The following NIPSNAP1 variants were observed in gnomAD, a reference collection of about 807,000 sequenced individuals.
NIPSNAP1 encodes the protein nipsnap homolog 1.
NIPSNAP1 carries 25 observed loss-of-function variants against 49.2 expected under a neutral mutation model. That is an observed-to-expected ratio of 0.51 (90% CI 0.37 to 0.71). NIPSNAP1 has a LOEUF of 0.71. NIPSNAP1 is among the 30% of genes least tolerant of loss of function. The pLI is 0.00. For synonymous variants in NIPSNAP1, 143 were observed against 140.7 expected, an observed-to-expected ratio of 1.02 and a Z score of -0.12; for missense variants, 294 against 361.0, an observed-to-expected ratio of 0.81 and a Z score of 1.50.
At chr22:29,576,320 G>A (rs695525) in intron 1 of NIPSNAP1, among the ~76,000 whole-genome samples, 32,162 of 150,748 alleles carry the variant, frequency 0.21, 4,262 homozygotes, top group East Asian at 0.59. Flanking sequence ...ATGCCCGGCC[G>A]AACCCAGGAG....
chr22:29,579,435 T>C (rs902379798), intron 1 of NIPSNAP1, among the ~76,000 whole-genome samples: 6 of 151,850 alleles, frequency 4.0e-5, no homozygotes. Flanking sequence ...TAGCTGGGAC[T>C]ACAGGCGCCT....
At chr22:29,560,691 G>T in intron 8 of NIPSNAP1, 43 bp downstream of exon 8, 1 of 1,506,060 alleles carries the variant, frequency 6.6e-7, no homozygotes. Context: ...TGATGACAGA[G>T]AAAGAGAACT....
chr22:29,575,066 A>G lies in NIPSNAP1; in HGVS notation c.99-4534T>C, dbSNP rs566445707. Among the ~76,000 whole-genome samples, 40 of 152,288 alleles carry G rather than the reference A, an allele frequency of 2.6e-4. 1 individual carries two copies. The highest frequency in any genetic ancestry group is 8.3e-4 in the South Asian group (4 of 4,822). ...CCCAGCGCTCTTTCCTTGAAAGCCA[A>G]TCCCCACCTCAGGTTGGGCACTGAG... is the stretch of plus-strand genomic sequence containing the variant. On this transcript the variant is annotated intron_variant, in intron 1 of 9. Coordinates refer to ENST00000216121, the MANE Select transcript of NIPSNAP1 (RefSeq NM_003634.4).
intron 4 of NIPSNAP1, among the ~76,000 whole-genome samples, chr22:29,563,231 A>C (rs2064348589): frequency 6.6e-6 from 1 of 152,046 alleles, no homozygotes; most frequent in Admixed American, 6.6e-5. Context: ...GTGCCAGTGT[A>C]CTCCAGCCTG....
At chr22:29,569,081 A>G in intron 4 of NIPSNAP1, 112 bp downstream of exon 4, 2 of 815,930 alleles carry the variant, frequency 2.5e-6, no homozygotes, top group Admixed American at 2.0e-5. Flanking sequence ...GGTTTTAGTA[A>G]GAGCCCCACC....
rs146079589 is a variant in NIPSNAP1, at chr22:29,575,442, G to A, written c.99-4910C>T. On this transcript the variant is annotated intron_variant, in intron 1 of 9. Transcript: ENST00000216121. Reference sequence around the variant, plus strand: ...GTTTTCTACAGGTAAAATCCAAGAAGGAGCTTGTCAAAGATCTCAGAGGAG... The same window carrying A: ...GTTTTCTACAGGTAAAATCCAAGAAAGAGCTTGTCAAAGATCTCAGAGGAG... Among the ~76,000 whole-genome samples, 49 of 152,228 alleles carry A rather than the reference G, an allele frequency of 3.2e-4. No homozygotes were observed. The East Asian group carries it at 7.3e-3, about 23-fold the overall frequency.
chr22:29,560,944 G>T, intron 7 of NIPSNAP1, 116 bp from the exon 8 acceptor site: 2 of 1,032,166 alleles, frequency 1.9e-6, no homozygotes, highest in Non-Finnish European at 3.0e-6. Flanking sequence ...GGTCCTCCGG[G>T]ATGCTGAGAG....
At chr22:29,574,286 A>AAAAAAAAAAAAAAAAAAAAAAAAAC (rs2064434113) in intron 1 of NIPSNAP1, among the ~76,000 whole-genome samples, 1 of 147,672 alleles carries the variant, frequency 6.8e-6, no homozygotes, top group Non-Finnish European at 1.5e-5. Context: ...AAAAAAAAAA[A>AAAAAAAAAAAAAAAAAAAAAAAAAC]AAAAAAGAAA....
At chr22:29,560,900 C>CCCTCCTGTGAAGTGTGGCCA in intron 7 of NIPSNAP1, 72 bp from the exon 8 acceptor site, 1 of 1,408,080 alleles carries the variant, frequency 7.1e-7, no homozygotes, top group Non-Finnish European at 1.0e-6. Context: ...ATTCCTTGGC[C>CCCTCCTGTGAAGTGTGGCCA]ACACTTCACA....
chr22:29,570,254 A>G (rs1350457264), intron 2 of NIPSNAP1, 47 bp from the exon 3 acceptor site: 9 of 1,609,408 alleles, frequency 5.6e-6, no homozygotes, highest in Non-Finnish European at 7.7e-6. Flanking sequence ...GTGTGTACAC[A>G]GGGAAGAACT....
intron 1 of NIPSNAP1, among the ~76,000 whole-genome samples, chr22:29,578,586 T>C (rs2064473354): frequency 1.3e-5 from 2 of 151,242 alleles, no homozygotes; most frequent in South Asian, 4.1e-4. Context: ...TCTGGAGAGA[T>C]ATGGGGCAGC....
intron 1 of NIPSNAP1, 131 bp from the exon 2 acceptor site, chr22:29,570,663 CAG>C: frequency 1.7e-6 from 2 of 1,198,092 alleles, no homozygotes; most frequent in Non-Finnish European, 1.2e-6. Flanking sequence ...AGTCCTGTGG[CAG>C]CTCCAGACTG....
chr22:29,575,376 T>G (rs142846476), intron 1 of NIPSNAP1, among the ~76,000 whole-genome samples: 2 of 152,258 alleles, frequency 1.3e-5, no homozygotes, highest in East Asian at 3.9e-4. Context: ...AGTTTCCCCA[T>G]CTGTCAAATG....
In NIPSNAP1 at chr22:29,574,710, C is replaced by T. The variant is rs191031513; in HGVS notation, c.99-4178G>A. On this transcript the variant is annotated intron_variant, in intron 1 of 9. Coordinates refer to ENST00000216121, the MANE Select transcript of NIPSNAP1 (RefSeq NM_003634.4). ...AGGAGAATCACTTGAACCCGGGAGGCGGAGGTTGCAGTGAGCTGAGATCGT... is the reference window on the plus strand; with the variant it reads ...AGGAGAATCACTTGAACCCGGGAGGTGGAGGTTGCAGTGAGCTGAGATCGT... Among the ~76,000 whole-genome samples, 1,121 of 143,548 alleles carry T rather than the reference C, an allele frequency of 7.8e-3. 10 individuals carry two copies. Among genetic ancestry groups the T allele is most frequent in the South Asian group, 0.025 (111 of 4,476 alleles). The allele number at this position is 143,548 out of a possible 152,430, so 94.2% of individuals were successfully genotyped here. A position where few individuals can be genotyped will look rare whatever the true frequency, so the allele number is the denominator to read the frequency against.
At chr22:29,568,756 C>T (rs1483701932) in intron 4 of NIPSNAP1, among the ~76,000 whole-genome samples, 1 of 152,102 alleles carries the variant, frequency 6.6e-6, no homozygotes, top group Non-Finnish European at 1.5e-5. Context: ...TGCACTACTG[C>T]ACTCCAGCCT....
chr22:29,561,487 G>T lies in NIPSNAP1; in HGVS notation c.579+19C>A. ...CAGGGAAATTGGGGGGCAGGAGGGG[G>T]TCTGTCGGAGGGAGGCACCTTGAGC... On this transcript the variant is annotated intron_variant, in intron 6 of 9. Transcript: ENST00000216121. 6.2e-7 allele frequency: 1 copy of T among 1,613,760 alleles called. No individual in the cohort carries two copies. The highest frequency in any genetic ancestry group is 8.5e-7 in the Non-Finnish European group (1 of 1,179,778).
intron 1 of NIPSNAP1, among the ~76,000 whole-genome samples, chr22:29,574,396 A>C (rs879645658): frequency 6.6e-6 from 1 of 151,864 alleles, no homozygotes; most frequent in African/African-American, 2.4e-5. Context: ...ATTCATTGTA[A>C]TTTTTTATAA....
intron 1 of NIPSNAP1, among the ~76,000 whole-genome samples, chr22:29,574,931 A>G (rs1457653038): frequency 1.3e-5 from 2 of 152,178 alleles, no homozygotes; most frequent in Admixed American, 6.6e-5. Context: ...ATCTTATAGT[A>G]TTGGTACTAT....
chr22:29,577,724 T>C (rs1052447570), intron 1 of NIPSNAP1, among the ~76,000 whole-genome samples: 3 of 148,852 alleles, frequency 2.0e-5, no homozygotes, highest in Non-Finnish European at 4.4e-5. Flanking sequence ...TGTTTTTTTG[T>C]TTTGTTTTGT....
Sources: allele counts gnomAD v4.1 joint callset (sites outside exome capture counted in the v4.1 genomes callset), GRCh38; gene constraint gnomAD v4.1.1; transcripts MANE v1.5; gene names NCBI Gene and HGNC (gene_info 2026-07-23, HGNC 2026-07-21).